CYB561D1: variants seen among roughly 807,000 people sequenced by gnomAD.
The protein encoded by CYB561D1 is probable transmembrane reductase CYB561D1.
Under a neutral mutation model 19.2 loss-of-function variants are expected in CYB561D1, and 15 were observed. The observed-to-expected ratio is 0.78, with a 90% CI of 0.52 to 1.20. The LOEUF (loss-of-function observed/expected upper bound fraction) is 1.20, where lower values mean the gene tolerates loss of function less well. CYB561D1 is among the 50% of genes most tolerant of loss of function. The pLI is 0.00. For missense variants in CYB561D1, 297 were observed against 287.3 expected (o/e 1.03, Z -0.24); for synonymous variants, 133 against 120.6 (o/e 1.10, Z -0.68).
At position 109,498,456 on chromosome 1, in the gene CYB561D1, G is replaced by A. The variant is rs1657700164; in HGVS notation, c.*2197G>A. ...GGTGGTCTCCTGCTTAGCCTGGTCT[G>A]ACTGCAGTGTAGGGAATAGGTCACC... is the stretch of plus-strand genomic sequence containing the variant. On this transcript the variant is annotated 3_prime_UTR_variant, in exon 3 of 3. Coordinates refer to ENST00000420578, the MANE Select transcript of CYB561D1 (RefSeq NM_182580.3). 1 of 152,324 alleles carries A rather than the reference G, an allele frequency of 6.6e-6. No individual in the cohort carries two copies. The highest frequency in any genetic ancestry group is 2.4e-5 in the African/African-American group (1 of 41,446). The allele number at this position is 152,324 out of a possible 1,614,324, so 9.4% of individuals were successfully genotyped here.
chr1:109,494,179 G>T lies in CYB561D1; in HGVS notation c.40G>T (p.Gly14Trp). 6.4e-7 allele frequency: 1 copy of T among 1,551,968 alleles called. No homozygotes were observed. Among genetic ancestry groups the T allele is most frequent in the African/African-American group, 1.4e-5 (1 of 73,372 alleles). ...LEVGLVPAPA[G>W]EPRLTRWLRR... The stretch of plus-strand genomic sequence containing the variant: ...GGTAGGTCTGGTTCCCGCTCCAGCT[G>T]GGGAGCCGAGACTGACCCGCTGGCT... Residue 14 changes from glycine to tryptophan, a missense_variant, in exon 1 of 3, where the codon GGG (glycine) becomes TGG (tryptophan). Coordinates refer to ENST00000420578, the MANE Select transcript of CYB561D1 (RefSeq NM_182580.3).
rs114443422 is a variant in CYB561D1, at chr1:109,496,109, G to A, written c.540G>A (p.Thr180=). The change falls in exon 3 of 3, where the codon ACG becomes ACA. Residue 180 remains threonine, a synonymous_variant. Transcript: ENST00000420578. ...TGGTCTACCTGATGGCTACAGTAAC[G>A]GTGCTTCTGGGCATGTACTCAGTAT... ...GLVVYLMATV[T]VLLGMYSVWF... is the part of the protein sequence containing the mutation. The A allele has an allele frequency of 6.8e-6, 11 of 1,614,192 alleles. No individual in the cohort carries two copies. Among genetic ancestry groups the A allele is most frequent in the African/African-American group, 2.7e-5 (2 of 75,054 alleles).
chr1:109,495,803 C>G lies in CYB561D1; in HGVS notation c.234C>G (p.His78Gln). 6.2e-7 allele frequency: 1 copy of G among 1,614,146 alleles called. No individual in the cohort carries two copies. The highest frequency in any genetic ancestry group is 1.1e-5 in the South Asian group (1 of 91,082). The change falls in exon 3 of 3, where the codon CAC (histidine) becomes CAG (glutamine). Residue 78 changes from histidine to glutamine, a missense_variant. By Grantham distance (24) the His-to-Gln change is conservative. Transcript: ENST00000420578. ...AEAILLFSPE[H>Q]SLFFFCSRKA... is the part of the protein sequence containing the mutation. ...CCATCCTACTCTTCTCACCTGAACACTCCCTGTTCTTCTTCTGCTCCCGAA... is the reference window on the plus strand; with the variant it reads ...CCATCCTACTCTTCTCACCTGAACAGTCCCTGTTCTTCTTCTGCTCCCGAA...
chr1:109,495,218 C>G, intron 2 of CYB561D1, 38 bp downstream of exon 2: 1 of 1,609,628 alleles, frequency 6.2e-7, no homozygotes, highest in Middle Eastern at 1.7e-4. Context: ...TTGGGTATTC[C>G]TCACCTCATT....
At chr1:109,495,026 C>T in intron 1 of CYB561D1, 117 bp from the exon 2 acceptor site, 2 of 1,249,778 alleles carry the variant, frequency 1.6e-6, no homozygotes, top group Admixed American at 1.8e-5. Context: ...AGTTCCTGTG[C>T]CCGATTAGGA....
rs1410178515 is a variant in CYB561D1 at position 109,497,892 on chromosome 1, C to T, written c.*1633C>T. 1.3e-5 allele frequency: 2 copies of T among 152,248 alleles called. No homozygotes were observed. The highest frequency in any genetic ancestry group is 6.5e-5 in the Admixed American group (1 of 15,276). The allele number at this position is 152,248 out of a possible 1,614,324, so 9.4% of individuals were successfully genotyped here. On this transcript the variant is annotated 3_prime_UTR_variant, in exon 3 of 3. Transcript: ENST00000420578. Reference sequence around the variant, plus strand: ...CCTCTCCACGTAACTCATTATGCCCCTCCTGGGGGAGATTGCATCTCCAGG... The same window carrying T: ...CCTCTCCACGTAACTCATTATGCCCTTCCTGGGGGAGATTGCATCTCCAGG...
chr1:109,496,478 C>T lies in CYB561D1; in HGVS notation c.*219C>T. The T allele has an allele frequency of 7.1e-6, 3 of 423,714 alleles. No homozygotes were observed. Among genetic ancestry groups the T allele is most frequent in the Non-Finnish European group, 1.2e-5 (3 of 244,374 alleles). 26.2% of individuals were successfully genotyped at this position (423,714 alleles called of 1,614,324 possible). On this transcript the variant is annotated 3_prime_UTR_variant, in exon 3 of 3. Transcript: ENST00000420578. The stretch of plus-strand genomic sequence containing the variant: ...AGTGGAAGGTGATGGAGAGCCTGAT[C>T]CTGAAGCCTCTACTTGATGAGAGAC...
rs76604632 is a variant in CYB561D1 at position 109,496,042 on chromosome 1, G to A, written c.473G>A (p.Arg158Lys). 804 of 1,612,636 alleles carry A rather than the reference G, an allele frequency of 5.0e-4. 8 individuals carry two copies. In the African/African-American group the frequency reaches 9.5e-3, roughly 19 times the overall value. ...LLCPRAARVSRVARLKLYHLT... is the reference protein window; with the variant it reads ...LLCPRAARVSKVARLKLYHLT... ...TGTCCCCGGGCAGCCAGGGTCTCAA[G>A]GGTGGCTCGCCTCAAGCTCTACCAT... Residue 158 changes from arginine to lysine, a missense_variant, in exon 3 of 3, where the codon AGG becomes AAG. Transcript: ENST00000420578.
At chr1:109,494,732 G>T in intron 1 of CYB561D1, 1 of 494,458 alleles carries the variant, frequency 2.0e-6, no homozygotes, top group South Asian at 2.0e-5. Flanking sequence ...AGCTACTTGG[G>T]AGGCTGAGGG....
rs1044029199 is a variant in CYB561D1, at chr1:109,494,144, A to C, written c.5A>C (p.Gln2Pro). 10 of 1,520,964 alleles carry C rather than the reference A, an allele frequency of 6.6e-6. No homozygotes were observed. The highest frequency in any genetic ancestry group is 8.9e-6 in the Non-Finnish European group (10 of 1,129,924). The allele number at this position is 1,520,964 out of a possible 1,614,324, so 94.2% of individuals were successfully genotyped here. ...ACGGGCCCGCGGGCCACGGCCATGC[A>C]GCCCCTGGAGGTAGGTCTGGTTCCC... M[Q>P]PLEVGLVPAP... Residue 2 changes from glutamine (Q) to proline (P), a missense_variant, in exon 1 of 3, where the codon CAG becomes CCG. By Grantham distance (76) the Gln-to-Pro change is moderately conservative. Coordinates refer to ENST00000420578, the MANE Select transcript of CYB561D1 (RefSeq NM_182580.3).
At chr1:109,494,500 A>C (rs1231989398) in intron 1 of CYB561D1, 1 of 1,539,234 alleles carries the variant, frequency 6.5e-7, no homozygotes, top group Non-Finnish European at 8.8e-7. Flanking sequence ...ACGATTGAAC[A>C]GACCGAACTA....
chr1:109,495,013 C>T, intron 1 of CYB561D1, 130 bp from the exon 2 acceptor site: 2 of 1,126,454 alleles, frequency 1.8e-6, no homozygotes, highest in South Asian at 1.4e-5. Flanking sequence ...CCACTTTGTC[C>T]TTAGTTCCTG....
intron 2 of CYB561D1, 67 bp downstream of exon 2, chr1:109,495,247 G>C: frequency 6.4e-7 from 1 of 1,570,998 alleles, no homozygotes; most frequent in South Asian, 1.1e-5. Context: ...GAAGCACCCA[G>C]CTTTCAGAAA....
In CYB561D1 at chr1:109,495,841, G is replaced by C; in HGVS notation, c.272G>C (p.Arg91Pro). The C allele has an allele frequency of 1.2e-6, 2 of 1,613,826 alleles. No homozygotes were observed. Among genetic ancestry groups the C allele is most frequent in the Non-Finnish European group, 1.7e-6 (2 of 1,180,034 alleles). The part of the protein sequence containing the change: ...FFFCSRKARI[R>P]LHWAGQTLAI... ...TTCTGCTCCCGAAAAGCACGGATCC[G>C]GCTCCACTGGGCAGGGCAGACCCTA... Residue 91 changes from arginine (R) to proline (P), a missense_variant, in exon 3 of 3, where the codon CGG (arginine) becomes CCG (proline). Transcript: ENST00000420578.
At chr1:109,494,671 T>G (rs769822766) in intron 1 of CYB561D1, 1 of 971,516 alleles carries the variant, frequency 1.0e-6, no homozygotes, top group East Asian at 6.1e-5. Context: ...ACCCCGTCTC[T>G]ACTAAGAATA....
In CYB561D1 at chr1:109,497,587, A is replaced by G. The variant is rs1477878585; in HGVS notation, c.*1328A>G. 1.3e-5 allele frequency: 2 copies of G among 152,210 alleles called. No homozygotes were observed. The highest frequency in any genetic ancestry group is 2.4e-5 in the African/African-American group (1 of 41,440). 9.4% of individuals were successfully genotyped at this position (152,210 alleles called of 1,614,324 possible). ...GTGGTCTGGGCTCAGTTGAGAAGAT[A>G]GGATCTCCCTAGATCATGGCAAGGC... is the stretch of plus-strand genomic sequence containing the variant. On this transcript the variant is annotated 3_prime_UTR_variant, in exon 3 of 3. Transcript: ENST00000420578.
In CYB561D1 at chr1:109,500,184, T is replaced by C. The variant is rs1055049948; in HGVS notation, c.*3925T>C. ...CAAGCTCAGAGAGCAGGGAGGCTTC[T>C]GGTAGTGCTCTTGATGCTCCTGTGT... On this transcript the variant is annotated 3_prime_UTR_variant, in exon 3 of 3. Transcript: ENST00000420578. 4 of 152,286 alleles carry C rather than the reference T, an allele frequency of 2.6e-5. No homozygotes were observed. Among genetic ancestry groups the C allele is most frequent in the Admixed American group, 6.5e-5 (1 of 15,290 alleles). The allele number at this position is 152,286 out of a possible 1,614,324, so 9.4% of individuals were successfully genotyped here. A position where few individuals can be genotyped will look rare whatever the true frequency, so the allele number is the denominator to read the frequency against.
intron 2 of CYB561D1, 52 bp from the exon 3 acceptor site, chr1:109,495,704 T>C (rs1657490347): frequency 6.2e-7 from 1 of 1,613,994 alleles, no homozygotes; most frequent in Non-Finnish European, 8.5e-7. Flanking sequence ...CTCCTTTTTC[T>C]CAGGCCTCCA....
rs1571104077 is a variant in CYB561D1, at chr1:109,494,159, G to A, written c.20G>A (p.Gly7Asp). 6.5e-7 allele frequency: 1 copy of A among 1,541,042 alleles called. No individual in the cohort carries two copies. Among genetic ancestry groups the A allele is most frequent in the Middle Eastern group, 1.7e-4 (1 of 5,904 alleles). MQPLEV[G>D]LVPAPAGEPR... is the part of the protein sequence containing the mutation. The stretch of plus-strand genomic sequence containing the variant: ...ACGGCCATGCAGCCCCTGGAGGTAG[G>A]TCTGGTTCCCGCTCCAGCTGGGGAG... The change falls in exon 1 of 3, where the codon GGT (glycine) becomes GAT (aspartate). Residue 7 changes from glycine to aspartate, a missense_variant. Gly to Asp is a moderately conservative substitution (Grantham distance 94, BLOSUM62 -1). Transcript: ENST00000420578.
Sources: gnomAD v4.1 joint callset for allele counts on GRCh38, gnomAD v4.1.1 for gene constraint, MANE v1.5 for transcripts, NCBI Gene and HGNC (gene_info 2026-07-23, HGNC 2026-07-21) for gene names.